BARD1: variants seen among roughly 807,000 people sequenced by gnomAD.
BARD1 encodes the protein BRCA1 associated RING domain 1, also known as BRCA1-associated RING domain protein 1.
In BARD1, 73 loss-of-function variants were observed where a neutral mutation model predicts 77.0. The observed-to-expected ratio is 0.95, with a 90% confidence interval of 0.79 to 1.15. The LOEUF is 1.15. Ranked by LOEUF, BARD1 falls within the 50% of genes most tolerant of loss-of-function variation. BARD1 has a pLI of 0.00. For missense variants in BARD1, 993 were observed against 938.8 expected (o/e 1.06, Z -0.75); for synonymous variants, 384 against 338.0 (o/e 1.14, Z -1.49).
At chr2:214,739,098 A>G (rs1401707158) in intron 9 of BARD1, among the ~76,000 whole-genome samples, 1 of 152,160 alleles carries the variant, frequency 6.6e-6, no homozygotes, top group Non-Finnish European at 1.5e-5. Context: ...GCAAAGAGCT[A>G]TGATTGCACC....
At chr2:214,759,703 T>C (rs1434035038) in intron 6 of BARD1, among the ~76,000 whole-genome samples, 1 of 152,106 alleles carries the variant, frequency 6.6e-6, no homozygotes, top group African/African-American at 2.4e-5. Flanking sequence ...TCCTCCATAA[T>C]TATAAAGATT....
intron 9 of BARD1, among the ~76,000 whole-genome samples, chr2:214,731,464 C>T (rs969539999): frequency 6.6e-6 from 1 of 152,192 alleles, no homozygotes; most frequent in African/African-American, 2.4e-5. Context: ...TATCATGCTT[C>T]TGTTCTGATG....
chr2:214,767,716 A>T (rs1694283069), intron 5 of BARD1, 62 bp from the exon 6 acceptor site: 1 of 1,436,490 alleles, frequency 7.0e-7, no homozygotes. Context: ...GGATGATATT[A>T]TAATATCACA....
chr2:214,781,628 T>C (rs1339804351), intron 3 of BARD1, 119 bp from the exon 4 acceptor site: 12 of 751,452 alleles, frequency 1.6e-5, no homozygotes, highest in Non-Finnish European at 2.6e-5. Context: ...TATGTACTTC[T>C]TTCTCAGCTC....
chr2:214,761,235 G>A (rs1282928961), intron 6 of BARD1, among the ~76,000 whole-genome samples: 1 of 151,410 alleles, frequency 6.6e-6, no homozygotes, highest in East Asian at 1.9e-4. Flanking sequence ...GCAGGGGGCA[G>A]GATATTTCCA....
At chr2:214,746,418 G>T (rs1203605905) in intron 7 of BARD1, among the ~76,000 whole-genome samples, 1 of 152,072 alleles carries the variant, frequency 6.6e-6, no homozygotes, top group African/African-American at 2.4e-5. Context: ...TAAATAGTAA[G>T]AAGTCCATAT....
intron 4 of BARD1, among the ~76,000 whole-genome samples, chr2:214,770,774 T>C (rs1167046558): frequency 6.6e-6 from 1 of 150,936 alleles, no homozygotes; most frequent in African/African-American, 2.5e-5. Flanking sequence ...CCAGCGAAGG[T>C]AGACTGTGGC....
At position 214,727,937 on chromosome 2, in the gene BARD1, T is replaced by C; in HGVS notation, c.*739A>G. ...AATGTGTTAGAGAAAATGCTCTAAG[T>C]ATATATACACATGTAGTAGATAAAC... is the stretch of plus-strand genomic sequence containing the variant. On this transcript the variant is annotated 3_prime_UTR_variant, in exon 11 of 11. Coordinates refer to ENST00000260947, the MANE Select transcript of BARD1 (RefSeq NM_000465.4). The C allele has an allele frequency of 4.6e-6, 1 of 215,888 alleles. No individual in the cohort carries two copies. The highest frequency in any genetic ancestry group is 2.2e-5 in the African/African-American group (1 of 44,554). 13.4% of individuals were successfully genotyped at this position (215,888 alleles called of 1,614,324 possible).
At chr2:214,805,934 C>T (rs1696249897) in intron 1 of BARD1, among the ~76,000 whole-genome samples, 1 of 152,192 alleles carries the variant, frequency 6.6e-6, no homozygotes, top group Non-Finnish European at 1.5e-5. Flanking sequence ...TGTTATATGA[C>T]ACCTGGGGCT....
intron 1 of BARD1, 91 bp from the exon 2 acceptor site, chr2:214,797,208 T>C (rs1490548428): frequency 5.0e-6 from 5 of 998,626 alleles, no homozygotes; most frequent in Admixed American, 1.7e-5. Flanking sequence ...AACACTACCA[T>C]ATTTCTCACT....
chr2:214,742,485 G>C (rs1692883318), intron 9 of BARD1, among the ~76,000 whole-genome samples: 1 of 152,244 alleles, frequency 6.6e-6, no homozygotes, highest in South Asian at 2.1e-4. Flanking sequence ...CTTTGAATCT[G>C]TTTCTCTTTG....
At chr2:214,747,183 T>A (rs932988369) in intron 7 of BARD1, among the ~76,000 whole-genome samples, 2 of 151,964 alleles carry the variant, frequency 1.3e-5, no homozygotes, top group Non-Finnish European at 1.5e-5. Flanking sequence ...TTAGAATGGC[T>A]ATCATTAAAA....
In BARD1 at chr2:214,764,325, C is replaced by T. The variant is rs537308617; in HGVS notation, c.1568+3157G>A. On this transcript the variant is annotated intron_variant, in intron 6 of 10. Transcript: ENST00000260947. ...CTGGCCCATACAGCTTACAGCCTCA[C>T]GAGAAGGGAGGAAACAGTAAGTCCT... Among the ~76,000 whole-genome samples the T allele has an allele frequency of 1.2e-3, 190 of 152,116 alleles. 1 individual carries two copies. The highest frequency in any genetic ancestry group is 4.4e-3 in the African/African-American group (181 of 41,486).
chr2:214,747,689 C>A (rs1693195030), intron 7 of BARD1, among the ~76,000 whole-genome samples: 1 of 120,094 alleles, frequency 8.3e-6, no homozygotes, highest in South Asian at 2.7e-4. Flanking sequence ...GGGAACATCA[C>A]ACTCTGGGGA....
At chr2:214,742,993 A>G (rs1239181636) in intron 9 of BARD1, among the ~76,000 whole-genome samples, 2 of 152,226 alleles carry the variant, frequency 1.3e-5, no homozygotes, top group African/African-American at 2.4e-5. Flanking sequence ...CACAGATTTA[A>G]AAGGAAAAAG....
intron 1 of BARD1, among the ~76,000 whole-genome samples, chr2:214,803,648 C>G (rs1696134012): frequency 6.6e-6 from 1 of 152,182 alleles, no homozygotes; most frequent in Non-Finnish European, 1.5e-5. Flanking sequence ...TGACACATCC[C>G]CCTCTCGGAG....
chr2:214,777,796 G>A (rs895583782), intron 4 of BARD1, among the ~76,000 whole-genome samples: 4 of 152,168 alleles, frequency 2.6e-5, no homozygotes, highest in African/African-American at 9.7e-5. Context: ...TGAAGCAGGT[G>A]GGTGCAAAAT....
intron 6 of BARD1, among the ~76,000 whole-genome samples, chr2:214,761,729 G>A (rs1693974373): frequency 6.6e-6 from 1 of 152,012 alleles, no homozygotes; most frequent in South Asian, 2.1e-4. Flanking sequence ...ATAATAAAGG[G>A]AAGAAAGCTT....
chr2:214,741,506 T>C (rs1692826841), intron 9 of BARD1, among the ~76,000 whole-genome samples: 1 of 152,136 alleles, frequency 6.6e-6, no homozygotes, highest in African/African-American at 2.4e-5. Flanking sequence ...AGATGACTTA[T>C]TTATATACCT....
Sources: gnomAD v4.1 joint callset for allele counts (sites outside exome capture counted in the v4.1 genomes callset) on GRCh38, gnomAD v4.1.1 for gene constraint, MANE v1.5 for transcripts, NCBI Gene and HGNC (gene_info 2026-07-23, HGNC 2026-07-21) for gene names.